Variants in C12orf54 observed in about 807,000 individuals in gnomAD.
C12orf54 encodes the protein chromosome 12 open reading frame 54.
A neutral mutation model predicts 26.4 loss-of-function variants in C12orf54; 24 were observed. The observed-to-expected ratio is 0.91, with a 90% confidence interval of 0.66 to 1.28. The LOEUF is 1.28. C12orf54 is among the 50% of genes most tolerant of loss of function. C12orf54 has a pLI of 0.00. For synonymous variants in C12orf54, 54 were observed against 47.0 expected (o/e 1.15, Z -0.61); for missense variants, 154 against 150.9 (o/e 1.02, Z -0.11).
intron 7 of C12orf54, among the ~76,000 whole-genome samples, chr12:48,494,286 T>TA (rs1937863652): frequency 6.6e-6 from 1 of 152,046 alleles, no homozygotes; most frequent in South Asian, 2.1e-4. Flanking sequence ...GTGAACTCCC[T>TA]AGATCCCTGT....
the C12orf54 span, among the ~76,000 whole-genome samples, chr12:48,451,809 C>T: frequency 3.9e-5 from 6 of 152,158 alleles, no homozygotes; most frequent in African/African-American, 1.4e-4. Flanking sequence ...TCAAAGAGAA[C>T]TGCAAACCAC....
chr12:48,484,956 C>A (rs1034654972), intron 2 of C12orf54, among the ~76,000 whole-genome samples: 1 of 152,226 alleles, frequency 6.6e-6, no homozygotes, highest in African/African-American at 2.4e-5. Flanking sequence ...AGAAATAGCA[C>A]TCCAGCTGGC....
At chr12:48,438,653 G>A in the C12orf54 span, among the ~76,000 whole-genome samples, 1 of 152,200 alleles carries the variant, frequency 6.6e-6, no homozygotes, top group African/African-American at 2.4e-5. Flanking sequence ...AAGCAATGGG[G>A]AAAGGATTCC....
the C12orf54 span, among the ~76,000 whole-genome samples, chr12:48,447,335 C>G: frequency 1.4e-3 from 219 of 151,984 alleles, no homozygotes; most frequent in African/African-American, 4.8e-3. Flanking sequence ...TTCCCATCCT[C>G]CAGAACAGTG....
At chr12:48,479,002 C>G (rs1954172196), upstream of C12orf54, among the ~76,000 whole-genome samples, 1 of 152,130 alleles carries the variant, frequency 6.6e-6, no homozygotes, top group South Asian at 2.1e-4. Context: ...TTGACCCAGC[C>G]ATCCCATTAC....
At chr12:48,441,030 C>T in the C12orf54 span, among the ~76,000 whole-genome samples, 9 of 152,254 alleles carry the variant, frequency 5.9e-5, no homozygotes, top group East Asian at 7.7e-4. Context: ...TCTAACACCA[C>T]GATTTATCTC....
the C12orf54 span, among the ~76,000 whole-genome samples, chr12:48,420,495 C>T: frequency 6.6e-6 from 1 of 152,120 alleles, no homozygotes; most frequent in Admixed American, 6.5e-5. Flanking sequence ...AATCCTCTTG[C>T]CAGTTTTACA....
rs1227247285 is a variant in C12orf54, at chr12:48,492,944, T to C, written c.194-3T>C. ...GAATGACTCTTCTCTGTGTCCACTT[T>C]AGGGATGAGCAACTGCTCCATGACA... On this transcript the variant is annotated splice_region_variant and splice_polypyrimidine_tract_variant and intron_variant, in intron 6 of 8. Coordinates refer to ENST00000548364, the MANE Select transcript of C12orf54 (RefSeq NM_152319.4). 6.2e-7 allele frequency: 1 copy of C among 1,613,802 alleles called. No homozygotes were observed. Among genetic ancestry groups the C allele is most frequent in the Non-Finnish European group, 8.5e-7 (1 of 1,179,704 alleles).
chr12:48,454,094 TTG>T, the C12orf54 span, among the ~76,000 whole-genome samples: 1,485 of 57,868 alleles, frequency 0.026, 36 homozygotes, highest in Middle Eastern at 0.074. Context: ...CTTTTTTTGT[TTG>T]TTTTTTTTTT....
intron 3 of C12orf54, 185 bp downstream of exon 3, chr12:48,486,393 C>G: frequency 3.1e-6 from 2 of 641,738 alleles, no homozygotes; most frequent in Non-Finnish European, 5.5e-6. Context: ...AATGCCACCA[C>G]TTCACCAGAT....
At chr12:48,424,693 T>A in the C12orf54 span, among the ~76,000 whole-genome samples, 1 of 152,154 alleles carries the variant, frequency 6.6e-6, no homozygotes, top group Non-Finnish European at 1.5e-5. Flanking sequence ...CCCAGCAATT[T>A]CACTCATAGG....
At chr12:48,478,568 A>G (rs1433295209), upstream of C12orf54, among the ~76,000 whole-genome samples, 2 of 152,194 alleles carry the variant, frequency 1.3e-5, no homozygotes, top group African/African-American at 4.8e-5. Context: ...TACAAAATCA[A>G]TGTACAAAAA....
the C12orf54 span, among the ~76,000 whole-genome samples, chr12:48,455,656 AAAG>A: frequency 1.3e-5 from 2 of 152,238 alleles, no homozygotes; most frequent in Non-Finnish European, 2.9e-5. Context: ...AGCAGCACCT[AAAG>A]ATCAGTGAGC....
chr12:48,429,165 C>T, the C12orf54 span, among the ~76,000 whole-genome samples: 1 of 152,062 alleles, frequency 6.6e-6, no homozygotes, highest in South Asian at 2.1e-4. Context: ...AAGGAACATA[C>T]CTCAATGTAA....
At chr12:48,423,189 C>T in the C12orf54 span, among the ~76,000 whole-genome samples, 1 of 152,016 alleles carries the variant, frequency 6.6e-6, no homozygotes, top group Non-Finnish European at 1.5e-5. Context: ...AGACAACGTA[C>T]ACTTGTAGGG....
the C12orf54 span, among the ~76,000 whole-genome samples, chr12:48,433,139 G>A: frequency 4.6e-5 from 7 of 152,104 alleles, no homozygotes; most frequent in Non-Finnish European, 8.8e-5. Flanking sequence ...AAATTTATGT[G>A]TGACCTTTAT....
the C12orf54 span, among the ~76,000 whole-genome samples, chr12:48,468,149 G>C: frequency 6.6e-6 from 1 of 152,080 alleles, no homozygotes; most frequent in African/African-American, 2.4e-5. Flanking sequence ...AAAACTATTA[G>C]GTATTTATAA....
At chr12:48,452,622 T>A in the C12orf54 span, among the ~76,000 whole-genome samples, 4 of 152,218 alleles carry the variant, frequency 2.6e-5, no homozygotes, top group African/African-American at 9.6e-5. Context: ...AGGTCTAGTA[T>A]CCAGCATTTA....
At chr12:48,426,883 CT>C in the C12orf54 span, among the ~76,000 whole-genome samples, 1 of 151,918 alleles carries the variant, frequency 6.6e-6, no homozygotes, top group Non-Finnish European at 1.5e-5. Flanking sequence ...CTCAGCTTAG[CT>C]GTTGTTGGTG....
Sources: gnomAD v4.1 joint callset for allele counts (sites outside exome capture counted in the v4.1 genomes callset) on GRCh38, gnomAD v4.1.1 for gene constraint, MANE v1.5 for transcripts, NCBI Gene and HGNC (gene_info 2026-07-23, HGNC 2026-07-21) for gene names.